The following ANP32B variants were observed in gnomAD, a reference collection of about 807,000 sequenced individuals.
The protein encoded by ANP32B is acidic leucine-rich nuclear phosphoprotein 32 family member B.
A neutral mutation model predicts 32.2 loss-of-function variants in ANP32B; 6 were observed. The observed-to-expected ratio is 0.19, with a 90% confidence interval of 0.10 to 0.37. ANP32B has a LOEUF of 0.37. Among genes scored for constraint, ANP32B ranks in the 10% least tolerant of loss-of-function variants. The pLI is 1.00. For synonymous variants in ANP32B, 98 were observed against 105.8 expected (o/e 0.93, Z 0.45); for missense variants, 204 against 289.2 (o/e 0.71, Z 2.14).
intron 4 of ANP32B, among the ~76,000 whole-genome samples, chr9:98,005,838 G>C (rs953112272): frequency 6.6e-6 from 1 of 152,078 alleles, no homozygotes; most frequent in Admixed American, 6.5e-5. Flanking sequence ...CTACTTCAGG[G>C]GTCTTCAACC....
intron 1 of ANP32B, among the ~76,000 whole-genome samples, chr9:97,991,139 T>TA (rs1305958054): frequency 4.6e-5 from 7 of 151,104 alleles, no homozygotes; most frequent in African/African-American, 1.7e-4. Context: ...TTTTTTTTTT[T>TA]AACTGGGTCT....
Position 97,984,564 on chromosome 9 carries a change from C to T in ANP32B, c.54+955C>T, listed in dbSNP as rs576624961. 19 of 138,534 alleles carry T rather than the reference C, an allele frequency of 1.4e-4. No individual in the cohort carries two copies. In the East Asian group the frequency reaches 3.8e-3, roughly 28 times the overall value. The allele number at this position is 138,534 out of a possible 1,614,324, so 8.6% of individuals were successfully genotyped here. ...TCTTCACGCCAGCCGGGGCGCGCCACAGGCCGCCGCAGCGCCATGTTGGCG... is the reference window on the plus strand; with the variant it reads ...TCTTCACGCCAGCCGGGGCGCGCCATAGGCCGCCGCAGCGCCATGTTGGCG... On this transcript the variant is annotated intron_variant, in intron 1 of 6. Transcript: ENST00000339399.
At chr9:98,006,042 G>A (rs1197325736) in intron 4 of ANP32B, among the ~76,000 whole-genome samples, 1 of 152,122 alleles carries the variant, frequency 6.6e-6, no homozygotes, top group Non-Finnish European at 1.5e-5. Context: ...ACATGTGAGG[G>A]GGCTAGGTTG....
intron 3 of ANP32B, among the ~76,000 whole-genome samples, chr9:98,001,989 C>T (rs1175536254): frequency 6.6e-6 from 1 of 152,148 alleles, no homozygotes; most frequent in African/African-American, 2.4e-5. Flanking sequence ...GGCTACACAC[C>T]AGAGCTATTT....
intron 6 of ANP32B, among the ~76,000 whole-genome samples, chr9:98,015,049 G>T (rs1381587696): frequency 6.6e-6 from 1 of 152,214 alleles, no homozygotes; most frequent in Non-Finnish European, 1.5e-5. Context: ...CAGTGGGCCT[G>T]ACCAGCTCAG....
intron 1 of ANP32B, among the ~76,000 whole-genome samples, chr9:97,984,264 G>T (rs1005894013): frequency 1.3e-5 from 2 of 150,992 alleles, no homozygotes; most frequent in Admixed American, 1.3e-4. Context: ...GGGCGGCGGA[G>T]GTGGCGCAAC....
intron 4 of ANP32B, among the ~76,000 whole-genome samples, chr9:98,010,993 T>C (rs1828173936): frequency 6.6e-6 from 1 of 152,188 alleles, no homozygotes; most frequent in South Asian, 2.1e-4. Flanking sequence ...CCTTACCTTC[T>C]TCCCCACTCC....
chr9:98,008,952 G>A (rs1828134446), intron 4 of ANP32B, among the ~76,000 whole-genome samples: 1 of 152,146 alleles, frequency 6.6e-6, no homozygotes, highest in Non-Finnish European at 1.5e-5. Context: ...AAAGGTTGAG[G>A]ACCGCTGTCC....
chr9:97,999,053 C>T lies in ANP32B; in HGVS notation c.327+375C>T, dbSNP rs1377894484. 3.7e-5 allele frequency among the ~76,000 whole-genome samples: 5 copies of T among 133,986 alleles called. 2 individuals are homozygous for T. The highest frequency in any genetic ancestry group is 7.5e-3 in the Middle Eastern group (2 of 268). 87.9% of individuals were successfully genotyped at this position (133,986 alleles called of 152,430 possible). A position where few individuals can be genotyped will look rare whatever the true frequency, so the allele number is the denominator to read the frequency against. On this transcript the variant is annotated intron_variant, in intron 3 of 6. Transcript: ENST00000339399. The stretch of plus-strand genomic sequence containing the variant: ...CGATCTCCTGACCTCGTGATCCGCC[C>T]GCCTCGGCCTCCCAAAGTGCTGGGA...
chr9:98,008,817 A>G (rs1276146935), intron 4 of ANP32B, among the ~76,000 whole-genome samples: 1 of 152,206 alleles, frequency 6.6e-6, no homozygotes, highest in Non-Finnish European at 1.5e-5. Flanking sequence ...ATCATTATAT[A>G]TTACAATGTA....
At chr9:97,984,335 C>T (rs978004208) in intron 1 of ANP32B, among the ~76,000 whole-genome samples, 1 of 151,250 alleles carries the variant, frequency 6.6e-6, no homozygotes, top group South Asian at 2.1e-4. Flanking sequence ...TTTTCAAGCC[C>T]AAAAATAAAA....
chr9:97,987,582 C>T (rs544007812), intron 1 of ANP32B: 2 of 152,322 alleles, frequency 1.3e-5, no homozygotes, highest in East Asian at 3.9e-4. Flanking sequence ...GTTAGAAGCA[C>T]CTCATTAACC....
chr9:97,992,236 C>T (rs1185144716), intron 1 of ANP32B, among the ~76,000 whole-genome samples: 8 of 152,074 alleles, frequency 5.3e-5, no homozygotes, highest in African/African-American at 1.9e-4. Context: ...ATTACAGGCA[C>T]ACGCCACCAT....
intron 1 of ANP32B, among the ~76,000 whole-genome samples, chr9:97,992,470 C>G (rs977300162): frequency 6.6e-5 from 10 of 152,198 alleles, no homozygotes; most frequent in Admixed American, 2.6e-4. Context: ...TGGAATTTTG[C>G]AAGTTGAAAG....
intron 1 of ANP32B, 75 bp downstream of exon 1, chr9:97,983,684 C>G: frequency 1.6e-6 from 2 of 1,252,848 alleles, no homozygotes; most frequent in Non-Finnish European, 2.2e-6. Context: ...GGGGCCCGGG[C>G]TGAGGGTTCG....
At position 97,998,437 on chromosome 9, in the gene ANP32B, T is replaced by C. The variant is rs1050632820; in HGVS notation, c.205-119T>C. On this transcript the variant is annotated intron_variant, in intron 2 of 6. Transcript: ENST00000339399. ...ATGAACATGCATGCCCTAATAGAAA[T>C]AGGGATCATTTGATCTTGATAAATC... 6 of 1,123,182 alleles carry C rather than the reference T, an allele frequency of 5.3e-6. No individual in the cohort carries two copies. The Admixed American group carries it at 8.6e-5, about 16-fold the overall frequency. 69.6% of individuals were successfully genotyped at this position (1,123,182 alleles called of 1,614,324 possible). A position where few individuals can be genotyped will look rare whatever the true frequency, so the allele number is the denominator to read the frequency against.
intron 3 of ANP32B, among the ~76,000 whole-genome samples, chr9:98,002,847 G>C (rs1317220507): frequency 6.6e-6 from 1 of 152,152 alleles, no homozygotes; most frequent in African/African-American, 2.4e-5. Context: ...ATGTGTTTTT[G>C]TGCACCTATT....
chr9:98,005,412 G>A (rs2131589330), intron 4 of ANP32B: 1 of 219,494 alleles, frequency 4.6e-6, no homozygotes, highest in South Asian at 8.3e-5. Flanking sequence ...CTACTCAGAA[G>A]ACTGGAGGCC....
intron 1 of ANP32B, among the ~76,000 whole-genome samples, chr9:97,988,554 G>A (rs922343445): frequency 5.9e-5 from 9 of 151,952 alleles, no homozygotes; most frequent in African/African-American, 1.2e-4. Flanking sequence ...GCGAAACCCC[G>A]TCTCTACTAA....
Sources: allele counts gnomAD v4.1 joint callset (sites outside exome capture counted in the v4.1 genomes callset), GRCh38; gene constraint gnomAD v4.1.1; transcripts MANE v1.5; gene names NCBI Gene and HGNC (gene_info 2026-07-23, HGNC 2026-07-21).